The following SBNO1 variants were observed in gnomAD, a reference collection of about 807,000 sequenced individuals.
The protein encoded by SBNO1 is protein strawberry notch homolog 1.
In SBNO1, 23 loss-of-function variants were observed where a neutral mutation model predicts 173.6. The observed-to-expected ratio is 0.13, with a 90% CI of 0.10 to 0.19. The LOEUF (loss-of-function observed/expected upper bound fraction) is 0.19, where lower values mean the gene tolerates loss of function less well. SBNO1 is among the 10% of genes least tolerant of loss of function. The pLI is 1.00. For missense variants in SBNO1, 1,238 were observed against 1,671.2 expected (o/e 0.74, Z 4.52); for synonymous variants, 632 against 571.5 (o/e 1.11, Z -1.51).
chr12:123,299,904 GA>G (rs771697566), intron 30 of SBNO1, among the ~76,000 whole-genome samples: 2 of 152,066 alleles, frequency 1.3e-5, no homozygotes, highest in Non-Finnish European at 2.9e-5. Context: ...AGAAAAGAAG[GA>G]GGGGGGAAGA....
At chr12:123,357,914 T>C (rs1164791604) in intron 1 of SBNO1, among the ~76,000 whole-genome samples, 3 of 152,300 alleles carry the variant, frequency 2.0e-5, no homozygotes, top group Admixed American at 1.3e-4. Context: ...CAAAAGTCCT[T>C]TACAAAAGCA....
chr12:123,364,422 G>A (rs1875849638), intron 1 of SBNO1: 5 of 985,422 alleles, frequency 5.1e-6, no homozygotes, highest in African/African-American at 1.7e-5. Flanking sequence ...GCCCGGGACA[G>A]CGGGGCTCCC....
rs370253095 is a variant in SBNO1, at chr12:123,327,613, T to C, written c.1539-34A>G. The C allele has an allele frequency of 1.8e-5, 29 of 1,590,004 alleles. No homozygotes were observed. In the African/African-American group the frequency reaches 3.9e-4, roughly 21 times the overall value. ...AATTAAAACATACAGTAATTACCAA[T>C]ACAGTAGAATTTTAACATACAGAGA... On this transcript the variant is annotated intron_variant, in intron 12 of 31. Transcript: ENST00000602398.
chr12:123,306,358 T>C (rs942437887), intron 28 of SBNO1, among the ~76,000 whole-genome samples: 4 of 152,152 alleles, frequency 2.6e-5, no homozygotes, highest in African/African-American at 9.7e-5. Flanking sequence ...TATGGTGGCC[T>C]AATGCAGTGG....
At chr12:123,337,092 G>T (rs539304613) in intron 5 of SBNO1, among the ~76,000 whole-genome samples, 11 of 152,262 alleles carry the variant, frequency 7.2e-5, no homozygotes, top group African/African-American at 2.6e-4. Context: ...AGACTTCTGT[G>T]TCTCCACAGA....
At chr12:123,316,561 C>G (rs1000288048) in intron 21 of SBNO1, among the ~76,000 whole-genome samples, 3 of 151,876 alleles carry the variant, frequency 2.0e-5, no homozygotes, top group Non-Finnish European at 4.4e-5. Context: ...GCTCTGTCAC[C>G]CAGGCTGGAG....
Position 123,328,924 on chromosome 12 carries a change from A to T in SBNO1, c.1135-29T>A, listed in dbSNP as rs755477535. 3.8e-6 allele frequency: 5 copies of T among 1,332,290 alleles called. No homozygotes were observed. The East Asian group carries it at 9.5e-5, about 25-fold the overall frequency. The allele number at this position is 1,332,290 out of a possible 1,614,324, so 82.5% of individuals were successfully genotyped here. The stretch of plus-strand genomic sequence containing the variant: ...AAAAAGAAAAGAAAAGAATTTAGTT[A>T]ATTAGTATACCTTTCTCTCTGCAAC... On this transcript the variant is annotated intron_variant, in intron 9 of 31. Coordinates refer to ENST00000602398, the MANE Select transcript of SBNO1 (RefSeq NM_001167856.3).
chr12:123,321,523 T>C lies in SBNO1; in HGVS notation c.2323+12A>G, dbSNP rs376218759. On this transcript the variant is annotated intron_variant, in intron 17 of 31. Transcript: ENST00000602398. ...TATATGCTTTCGTGTATATTTAATA[T>C]ACTGAACTTACCATTTTCATCATCC... is the stretch of plus-strand genomic sequence containing the variant. The C allele has an allele frequency of 3.9e-4, 618 of 1,576,256 alleles. No individual in the cohort carries two copies. Among genetic ancestry groups the C allele is most frequent in the Admixed American group, 5.2e-4 (31 of 59,966 alleles).
At chr12:123,321,803 G>C (rs1402079484) in intron 16 of SBNO1, 71 bp from the exon 17 acceptor site, 26 of 1,207,376 alleles carry the variant, frequency 2.2e-5, no homozygotes, top group Non-Finnish European at 3.0e-5. Flanking sequence ...ATCACATTTA[G>C]TTCATGAATT....
At chr12:123,343,537 CT>C (rs58841947) in intron 4 of SBNO1, among the ~76,000 whole-genome samples, 3,083 of 135,458 alleles carry the variant, frequency 0.023, 28 homozygotes, top group Middle Eastern at 0.031. Flanking sequence ...CACTTACCAT[CT>C]TTTTTTTTTT....
intron 7 of SBNO1, among the ~76,000 whole-genome samples, chr12:123,333,099 G>A (rs111378373): frequency 0.023 from 3,344 of 144,806 alleles, 118 homozygotes; most frequent in African/African-American, 0.08. Context: ...ACTCCAGCCT[G>A]GACGACACAG....
At chr12:123,362,528 G>A (rs1875444894) in intron 1 of SBNO1, among the ~76,000 whole-genome samples, 1 of 150,126 alleles carries the variant, frequency 6.7e-6, no homozygotes, top group Non-Finnish European at 1.5e-5. Context: ...CACTCCGGGA[G>A]ACAGAGGTGA....
rs753431548 is a variant in SBNO1, at chr12:123,321,699, C to T, written c.2159G>A (p.Arg720Gln). 3.1e-6 allele frequency: 5 copies of T among 1,614,004 alleles called. No homozygotes were observed. The highest frequency in any genetic ancestry group is 1.7e-5 in the Admixed American group (1 of 59,976). Residue 720 changes from arginine (R) to glutamine (Q), a missense_variant, in exon 17 of 32, where the codon CGA (arginine) becomes CAA (glutamine). Coordinates refer to ENST00000602398, the MANE Select transcript of SBNO1 (RefSeq NM_001167856.3). ...EEITREAKKA[R>Q]KVGGLTGSSS... is the part of the protein sequence containing the mutation. ...GCTACCAGTAAGGCCACCTACTTTT[C>T]GTGCTTTTTTGGCTTCTCGAGTTAT...
intron 1 of SBNO1, among the ~76,000 whole-genome samples, chr12:123,355,783 A>C (rs569553575): frequency 6.6e-6 from 1 of 152,260 alleles, no homozygotes; most frequent in South Asian, 2.1e-4. Context: ...ACCCTGTCCC[A>C]AAAAAATGAA....
At chr12:123,302,781 A>G (rs1440073868) in intron 30 of SBNO1, 43 bp downstream of exon 30, 3 of 1,325,022 alleles carry the variant, frequency 2.3e-6, no homozygotes, top group East Asian at 2.3e-5. Flanking sequence ...TTAAATCTCA[A>G]TTAAATTTTG....
intron 28 of SBNO1, among the ~76,000 whole-genome samples, chr12:123,307,053 G>C (rs756507251): frequency 7.0e-6 from 1 of 142,904 alleles, no homozygotes; most frequent in African/African-American, 2.5e-5. Context: ...GCCAAATGTG[G>C]TGGAGTGTAC....
intron 7 of SBNO1, among the ~76,000 whole-genome samples, chr12:123,332,950 C>T (rs1338318307): frequency 6.6e-6 from 1 of 152,092 alleles, no homozygotes; most frequent in Non-Finnish European, 1.5e-5. Flanking sequence ...CGGTAAAACC[C>T]CATCTCCACT....
chr12:123,364,676 G>A (rs986181586), intron 1 of SBNO1, 25 bp downstream of exon 1: 42 of 983,616 alleles, frequency 4.3e-5, no homozygotes, highest in Non-Finnish European at 4.6e-5. Flanking sequence ...TGTGGAAGGA[G>A]AAAAGGGCCA....
intron 1 of SBNO1, chr12:123,364,216 C>A (rs1875801952): frequency 1.0e-6 from 1 of 985,616 alleles, no homozygotes; most frequent in Non-Finnish European, 1.2e-6. Context: ...ACGACCGCGT[C>A]GCCTGCCTCC....
Sources: gnomAD v4.1 joint callset for allele counts (sites outside exome capture counted in the v4.1 genomes callset) on GRCh38, gnomAD v4.1.1 for gene constraint, MANE v1.5 for transcripts, NCBI Gene and HGNC (gene_info 2026-07-23, HGNC 2026-07-21) for gene names.